Variants in GRIK4 observed in about 807,000 individuals in gnomAD.
The protein encoded by GRIK4 is glutamate receptor ionotropic, kainate 4.
In GRIK4, 40 loss-of-function variants were observed where a neutral mutation model predicts 104.9. The ratio of observed to expected loss-of-function variants is 0.38; its 90% CI spans 0.30 to 0.50. GRIK4 has a LOEUF of 0.50. Among genes scored for constraint, GRIK4 ranks in the 20% least tolerant of loss-of-function variants. The pLI is 0.93. For synonymous variants in GRIK4, 485 were observed against 524.9 expected (o/e 0.92, Z 1.04); for missense variants, 1,047 against 1,308.1 (o/e 0.80, Z 3.08).
intron 1 of GRIK4, among the ~76,000 whole-genome samples, chr11:120,637,189 G>T (rs188534610): frequency 1.9e-3 from 294 of 152,266 alleles, no homozygotes; most frequent in Non-Finnish European, 3.9e-3. Context: ...GACGCCAGGT[G>T]GGGGTGGGGA....
At chr11:120,770,015 G>T (rs1951910438) in intron 3 of GRIK4, among the ~76,000 whole-genome samples, 3 of 152,074 alleles carry the variant, frequency 2.0e-5, no homozygotes, top group African/African-American at 7.3e-5. Flanking sequence ...TCACTTCCAG[G>T]TAACACCCAA....
chr11:120,957,799 GC>G lies in GRIK4; in HGVS notation c.1874+849del, dbSNP rs1004301362. On this transcript the variant is annotated intron_variant, in intron 16 of 20. Transcript: ENST00000527524. ...GATGTTTCCACCCTTGAGTACTGGT[GC>G]CCAGAGTGGGTGGTCTGGACAGAAT... Among the ~76,000 whole-genome samples, 5 of 152,286 alleles carry G rather than the reference GC, an allele frequency of 3.3e-5. No homozygotes were observed. In the South Asian group the frequency reaches 1.0e-3, roughly 32 times the overall value.
chr11:120,578,083 C>T (rs145088845), intron 1 of GRIK4, among the ~76,000 whole-genome samples: 47 of 152,098 alleles, frequency 3.1e-4, no homozygotes, highest in African/African-American at 9.6e-4. Context: ...TGTGTGCATG[C>T]GTGAGACAGA....
intron 19 of GRIK4, among the ~76,000 whole-genome samples, chr11:120,970,391 TCTC>T: frequency 6.6e-6 from 1 of 152,308 alleles, no homozygotes; most frequent in African/African-American, 2.4e-5. Flanking sequence ...GTCTCTCTTC[TCTC>T]CTCCTCCTTA....
chr11:120,928,213 TAAA>T (rs5795252), intron 13 of GRIK4, among the ~76,000 whole-genome samples: 1 of 126,346 alleles, frequency 7.9e-6, no homozygotes, highest in Non-Finnish European at 1.6e-5. Flanking sequence ...GACTCCGTCT[TAAA>T]AAAAAAAAAA....
At chr11:120,600,266 T>C (rs1048668285) in intron 1 of GRIK4, among the ~76,000 whole-genome samples, 1 of 152,150 alleles carries the variant, frequency 6.6e-6, no homozygotes, top group African/African-American at 2.4e-5. Flanking sequence ...GCGTGGCTGA[T>C]TCCTGGTGCA....
At chr11:120,641,154 A>G (rs1949467551) in intron 1 of GRIK4, among the ~76,000 whole-genome samples, 1 of 152,252 alleles carries the variant, frequency 6.6e-6, no homozygotes, top group Non-Finnish European at 1.5e-5. Context: ...CAAATATCAC[A>G]TGTGAATGAT....
chr11:120,897,710 G>A (rs544411412), intron 11 of GRIK4, among the ~76,000 whole-genome samples: 10 of 148,876 alleles, frequency 6.7e-5, no homozygotes, highest in South Asian at 6.5e-4. Context: ...GAGAGAAAAC[G>A]AAAGACAACG....
rs567434605 is a variant in GRIK4, at chr11:120,568,685, G to A, written c.-159+56798G>A. ...TTACAGGTGTAAGTCACCATGCCAGGCCTCCAGTTACTCTTTGGAGATGTG... is the reference window on the plus strand; with the variant it reads ...TTACAGGTGTAAGTCACCATGCCAGACCTCCAGTTACTCTTTGGAGATGTG... On this transcript the variant is annotated intron_variant, in intron 1 of 20. Coordinates refer to ENST00000527524, the MANE Select transcript of GRIK4 (RefSeq NM_014619.5). Among the ~76,000 whole-genome samples, 118 of 152,294 alleles carry A rather than the reference G, an allele frequency of 7.7e-4. 1 individual carries two copies. Among genetic ancestry groups the A allele is most frequent in the Middle Eastern group, 3.4e-3 (1 of 294 alleles).
At chr11:120,730,870 G>A (rs1177326525) in intron 3 of GRIK4, among the ~76,000 whole-genome samples, 4 of 152,082 alleles carry the variant, frequency 2.6e-5, no homozygotes, top group African/African-American at 7.2e-5. Flanking sequence ...AGGTTGTTCA[G>A]TGCTGGCATA....
chr11:120,866,163 T>G (rs773420165), intron 9 of GRIK4, among the ~76,000 whole-genome samples: 3 of 152,138 alleles, frequency 2.0e-5, no homozygotes, highest in Non-Finnish European at 2.9e-5. Context: ...GGATGAAGGA[T>G]TGGCTCCATC....
In GRIK4 at chr11:120,513,481, C is replaced by T. The variant is rs1016847894; in HGVS notation, c.-159+1594C>T. Among the ~76,000 whole-genome samples the T allele has an allele frequency of 2.0e-5, 3 of 152,130 alleles. No homozygotes were observed. The highest frequency in any genetic ancestry group is 4.1e-4 in the South Asian group (2 of 4,826). ...TGGCAGCCCCTGGAATTCCACTGGG[C>T]GTCATCATGCTGGCTTTATTTGCTG... On this transcript the variant is annotated intron_variant, in intron 1 of 20. Transcript: ENST00000527524. This position sits in a 1 kb window ranked among gnomAD's most constrained non-coding sequence, Gnocchi z 4.5.
At chr11:120,667,598 G>C (rs11217954) in intron 3 of GRIK4, among the ~76,000 whole-genome samples, 23,131 of 152,284 alleles carry the variant, frequency 0.15, 1,876 homozygotes, top group South Asian at 0.24. Context: ...ACGGGGGCTG[G>C]GGCTCGGCTC....
intron 6 of GRIK4, 31 bp from the exon 7 acceptor site, chr11:120,831,821 C>T: frequency 6.3e-7 from 1 of 1,584,438 alleles, no homozygotes; most frequent in African/African-American, 1.3e-5. Context: ...CTCTGTGGAC[C>T]CTCAGGGGCT....
chr11:120,777,834 G>C (rs1390725410), intron 3 of GRIK4, among the ~76,000 whole-genome samples: 3 of 152,084 alleles, frequency 2.0e-5, no homozygotes, highest in Non-Finnish European at 4.4e-5. Context: ...CTATTTGGGA[G>C]GCTGAGGCAG....
chr11:120,830,636 C>T (rs1304682864), intron 6 of GRIK4, among the ~76,000 whole-genome samples: 4 of 152,260 alleles, frequency 2.6e-5, no homozygotes, highest in South Asian at 4.2e-4. Flanking sequence ...GCCAGTTGCT[C>T]GTCCTTCCTA....
chr11:120,878,355 A>G (rs1363626348), intron 11 of GRIK4, among the ~76,000 whole-genome samples: 3 of 152,182 alleles, frequency 2.0e-5, no homozygotes. Flanking sequence ...ATAGATGATT[A>G]CAGTGCAGGT....
At chr11:120,922,579 G>T (rs1468086769) in intron 13 of GRIK4, among the ~76,000 whole-genome samples, 2 of 152,152 alleles carry the variant, frequency 1.3e-5, no homozygotes, top group Admixed American at 1.3e-4. Flanking sequence ...GTACTGCCTG[G>T]CTTGGCCTCG....
At chr11:120,748,788 A>G (rs913243519) in intron 3 of GRIK4, among the ~76,000 whole-genome samples, 1 of 152,144 alleles carries the variant, frequency 6.6e-6, no homozygotes, top group African/African-American at 2.4e-5. Flanking sequence ...AAACCACAGG[A>G]CAGCGAATTG....
Sources: gnomAD v4.1 joint callset for allele counts (sites outside exome capture counted in the v4.1 genomes callset) on GRCh38, gnomAD v4.1.1 for gene constraint, Gnocchi (gnomAD v3.1) non-coding constraint, MANE v1.5 for transcripts, NCBI Gene and HGNC (gene_info 2026-07-23, HGNC 2026-07-21) for gene names.